The following PDCD7 variants were observed in gnomAD, a reference collection of about 807,000 sequenced individuals.
PDCD7 encodes programmed cell death 7.
PDCD7 carries 40 observed loss-of-function variants against 42.1 expected under a neutral mutation model. That is an observed-to-expected ratio of 0.95 (90% confidence interval 0.74 to 1.24). PDCD7 has a LOEUF of 1.24. PDCD7 is among the 50% of genes most tolerant of loss of function. PDCD7 has a pLI of 0.00. For missense variants in PDCD7, 644 were observed against 662.8 expected (o/e 0.97, Z 0.31); for synonymous variants, 299 against 303.3 (o/e 0.99, Z 0.15).
chr15:65,128,095 G>T (rs80205749), intron 2 of PDCD7, among the ~76,000 whole-genome samples: 1 of 152,170 alleles, frequency 6.6e-6, no homozygotes, highest in Non-Finnish European at 1.5e-5. Flanking sequence ...TTTCTTAAGG[G>T]TCTAAAAGAA....
chr15:65,118,080 A>G lies in PDCD7; in HGVS notation c.*637T>C, dbSNP rs1009300651. On this transcript the variant is annotated 3_prime_UTR_variant, in exon 5 of 5. Transcript: ENST00000204549. ...CCATTGTCCATTAAAATACAATCCA[A>G]TTTGGGTACTCTTCAGGTTTTCTAA... 4 of 152,170 alleles carry G rather than the reference A, an allele frequency of 2.6e-5. No homozygotes were observed. The highest frequency in any genetic ancestry group is 4.8e-5 in the African/African-American group (2 of 41,438). 9.4% of individuals were successfully genotyped at this position (152,170 alleles called of 1,614,324 possible).
Position 65,133,328 on chromosome 15 carries a change from C to G in PDCD7, c.454G>C (p.Gly152Arg), listed in dbSNP as rs1268778020. ...GGACAGCCTGCCCGCCGCGGGGTCC[C>G]GAACACCGCCTCCAGCCACTGCCGG... Reference protein sequence around the residue: ...RDRQWLEAVFGTPRRAGCPVP... With the variant: ...RDRQWLEAVFRTPRRAGCPVP... Residue 152 changes from glycine (G) to arginine (R), a missense_variant, in exon 1 of 5, where the codon GGG becomes CGG. Physicochemically the swap from Gly to Arg is moderately radical, Grantham distance 125. Coordinates refer to ENST00000204549, the MANE Select transcript of PDCD7 (RefSeq NM_005707.2). 1 of 1,287,508 alleles carries G rather than the reference C, an allele frequency of 7.8e-7. No individual in the cohort carries two copies. The highest frequency in any genetic ancestry group is 9.8e-7 in the Non-Finnish European group (1 of 1,020,058). 79.8% of individuals were successfully genotyped at this position (1,287,508 alleles called of 1,614,324 possible).
At chr15:65,132,104 GTA>G (rs889307771) in intron 1 of PDCD7, among the ~76,000 whole-genome samples, 19 of 96,794 alleles carry the variant, frequency 2.0e-4, no homozygotes, top group African/African-American at 6.7e-4. Context: ...ATATGTATGT[GTA>G]TATATATGTA....
At position 65,132,960 on chromosome 15, in the gene PDCD7, A is replaced by G; in HGVS notation, c.822T>C (p.Ile274=). ...GCACACACTTCACCCTCCAGCGGTC[A>G]ATCTCCTGCTCGCGTTCCACTGCCC... ...AARAVEREQE[I]DRWRVKCVQE... is the part of the protein sequence containing the mutation. The change falls in exon 1 of 5, where the codon ATT becomes ATC. Residue 274 remains isoleucine, a synonymous_variant. Coordinates refer to ENST00000204549, the MANE Select transcript of PDCD7 (RefSeq NM_005707.2). The G allele has an allele frequency of 1.2e-6, 2 of 1,606,456 alleles. No individual in the cohort carries two copies. Among genetic ancestry groups the G allele is most frequent in the Non-Finnish European group, 1.7e-6 (2 of 1,179,840 alleles).
intron 2 of PDCD7, among the ~76,000 whole-genome samples, chr15:65,127,401 G>A (rs1370069806): frequency 6.7e-6 from 1 of 150,030 alleles, no homozygotes. Flanking sequence ...AGCTTGCAGT[G>A]AGCCGAGATT....
At chr15:65,119,347 A>G (rs1317361176) in intron 4 of PDCD7, 29 bp downstream of exon 4, 1 of 1,524,324 alleles carries the variant, frequency 6.6e-7, no homozygotes, top group Admixed American at 1.7e-5. Flanking sequence ...CCTAAGAGAA[A>G]GACAACATGG....
Position 65,118,511 on chromosome 15 carries a change from A to G in PDCD7, c.*206T>C, listed in dbSNP as rs2087424607. On this transcript the variant is annotated 3_prime_UTR_variant, in exon 5 of 5. Transcript: ENST00000204549. The stretch of plus-strand genomic sequence containing the variant: ...TGTGGTAAAAACCTCAGTTCACCTA[A>G]GTCCTTTCCTGAAAAACCACATTAA... 2.2e-6 allele frequency: 1 copy of G among 460,560 alleles called. No individual in the cohort carries two copies. Among genetic ancestry groups the G allele is most frequent in the African/African-American group, 2.0e-5 (1 of 49,524 alleles). The allele number at this position is 460,560 out of a possible 1,614,324, so 28.5% of individuals were successfully genotyped here. A position where few individuals can be genotyped will look rare whatever the true frequency, so the allele number is the denominator to read the frequency against.
chr15:65,130,007 C>T (rs1200543696), intron 1 of PDCD7, among the ~76,000 whole-genome samples: 1 of 149,434 alleles, frequency 6.7e-6, no homozygotes, highest in Non-Finnish European at 1.5e-5. Context: ...TCACCATGCC[C>T]AGTTAATTGT....
chr15:65,119,680 G>C, intron 3 of PDCD7, 38 bp downstream of exon 3: 1 of 1,580,414 alleles, frequency 6.3e-7, no homozygotes, highest in Non-Finnish European at 8.6e-7. Flanking sequence ...CGTCAATCTA[G>C]TATTTTCATT....
chr15:65,133,618 A>C lies in PDCD7; in HGVS notation c.164T>G (p.Phe55Cys). Residue 55 changes from phenylalanine to cysteine, a missense_variant, in exon 1 of 5, where the codon TTC (phenylalanine) becomes TGC (cysteine). Coordinates refer to ENST00000204549, the MANE Select transcript of PDCD7 (RefSeq NM_005707.2). ...PGPFPGASAP[F>C]LQPPLALQPR... ...CTGCAGAGCCAGCGGAGGCTGAAGG[A>C]AGGGGGCGGAGGCCCCCGGAAAAGG... 2 of 1,244,676 alleles carry C rather than the reference A, an allele frequency of 1.6e-6. No homozygotes were observed. Among genetic ancestry groups the C allele is most frequent in the Non-Finnish European group, 2.0e-6 (2 of 992,460 alleles). 77.1% of individuals were successfully genotyped at this position (1,244,676 alleles called of 1,614,324 possible).
At chr15:65,120,140 C>T (rs1229607187) in intron 2 of PDCD7, among the ~76,000 whole-genome samples, 186 bp from the exon 3 acceptor site, 3 of 151,982 alleles carry the variant, frequency 2.0e-5, no homozygotes, top group Non-Finnish European at 2.9e-5. Flanking sequence ...ACCACCATGC[C>T]TGGCTTTTTT....
chr15:65,130,401 G>A (rs1000905079), intron 1 of PDCD7, among the ~76,000 whole-genome samples: 2 of 151,860 alleles, frequency 1.3e-5, no homozygotes, highest in African/African-American at 2.4e-5. Context: ...CAGGTGATCC[G>A]CCCGCCTTGG....
At position 65,133,439 on chromosome 15, in the gene PDCD7, C is replaced by T. The variant is rs528771351; in HGVS notation, c.343G>A (p.Gly115Arg). 3.4e-5 allele frequency: 40 copies of T among 1,190,588 alleles called. No individual in the cohort carries two copies. In the African/African-American group the frequency reaches 5.6e-4, roughly 17 times the overall value. The allele number at this position is 1,190,588 out of a possible 1,614,324, so 73.8% of individuals were successfully genotyped here. Reference protein sequence around the residue: ...ERPRPPPPGPGPPWSPRWPEA... With the variant: ...ERPRPPPPGPRPPWSPRWPEA... Reference sequence around the variant, plus strand: ...GGCCACCGCGGGCTCCAGGGCGGCCCCGGGCCGGGAGGCGGTGGCCGCGGC... The same window carrying T: ...GGCCACCGCGGGCTCCAGGGCGGCCTCGGGCCGGGAGGCGGTGGCCGCGGC... The change falls in exon 1 of 5, where the codon GGG (glycine) becomes AGG (arginine). Residue 115 changes from glycine to arginine, a missense_variant. By Grantham distance (125) the Gly-to-Arg change is moderately radical. Transcript: ENST00000204549.
intron 4 of PDCD7, 26 bp downstream of exon 4, chr15:65,119,350 C>A: frequency 6.5e-7 from 1 of 1,543,658 alleles, no homozygotes; most frequent in Non-Finnish European, 9.0e-7. Flanking sequence ...AAGAGAAAGA[C>A]AACATGGAGA....
intron 2 of PDCD7, among the ~76,000 whole-genome samples, chr15:65,125,627 A>G (rs1249998594): frequency 6.6e-6 from 1 of 152,196 alleles, no homozygotes; most frequent in Non-Finnish European, 1.5e-5. Context: ...TGAAACATGT[A>G]TATAGCATTT....
In PDCD7 at chr15:65,118,614, G is replaced by C; in HGVS notation, c.*103C>G. On this transcript the variant is annotated 3_prime_UTR_variant, in exon 5 of 5. Coordinates refer to ENST00000204549, the MANE Select transcript of PDCD7 (RefSeq NM_005707.2). ...CTTCAGGGTAGGGGAATGCCACATG[G>C]AATTTAGAAGTTGCAGTTTAGTCTA... 8.1e-7 allele frequency: 1 copy of C among 1,234,150 alleles called. No homozygotes were observed. Among genetic ancestry groups the C allele is most frequent in the East Asian group, 2.6e-5 (1 of 37,842 alleles). 76.4% of individuals were successfully genotyped at this position (1,234,150 alleles called of 1,614,324 possible). A position where few individuals can be genotyped will look rare whatever the true frequency, so the allele number is the denominator to read the frequency against.
rs1490576204 is a variant in PDCD7, at chr15:65,118,398, C to A, written c.*319G>T. The A allele has an allele frequency of 4.6e-6, 1 of 217,506 alleles. No homozygotes were observed. The allele number at this position is 217,506 out of a possible 1,614,324, so 13.5% of individuals were successfully genotyped here. On this transcript the variant is annotated 3_prime_UTR_variant, in exon 5 of 5. Coordinates refer to ENST00000204549, the MANE Select transcript of PDCD7 (RefSeq NM_005707.2). ...TTGAGTGTACTTACCCATCAACACACAAGGAAGTTAGAGTAAATTAACAAG... is the reference window on the plus strand; with the variant it reads ...TTGAGTGTACTTACCCATCAACACAAAAGGAAGTTAGAGTAAATTAACAAG...
At chr15:65,127,861 T>A (rs996952557) in intron 2 of PDCD7, among the ~76,000 whole-genome samples, 9 of 152,190 alleles carry the variant, frequency 5.9e-5, no homozygotes, top group African/African-American at 2.2e-4. Flanking sequence ...GTGGGAATAT[T>A]AAATAGCTCT....
intron 2 of PDCD7, among the ~76,000 whole-genome samples, chr15:65,122,043 C>T (rs1357444738): frequency 2.0e-5 from 3 of 152,060 alleles, no homozygotes; most frequent in South Asian, 2.1e-4. Context: ...TTTAGCAATA[C>T]CAGATACAGG....
Sources: gnomAD v4.1 joint callset for allele counts (sites outside exome capture counted in the v4.1 genomes callset) on GRCh38, gnomAD v4.1.1 for gene constraint, MANE v1.5 for transcripts, NCBI Gene and HGNC (gene_info 2026-07-23, HGNC 2026-07-21) for gene names.